Variants in ATRNL1 observed in about 807,000 individuals in gnomAD.
ATRNL1 encodes the protein attractin like 1.
Under a neutral mutation model 182.7 loss-of-function variants are expected in ATRNL1, and 95 were observed. That is an observed-to-expected ratio of 0.52 (90% CI 0.44 to 0.62). The LOEUF (loss-of-function observed/expected upper bound fraction) is 0.62, where lower values mean the gene tolerates loss of function less well. Among genes scored for constraint, ATRNL1 ranks in the 20% least tolerant of loss-of-function variants. ATRNL1 has a pLI of 0.00. For missense variants in ATRNL1, 1,471 were observed against 1,679.5 expected, an observed-to-expected ratio of 0.88 and a Z score of 2.17; for synonymous variants, 576 against 568.3, an observed-to-expected ratio of 1.01 and a Z score of -0.19.
At chr10:115,518,243 G>A (rs1285002738) in intron 24 of ATRNL1, among the ~76,000 whole-genome samples, 2 of 151,808 alleles carry the variant, frequency 1.3e-5, no homozygotes, top group Admixed American at 1.3e-4. Flanking sequence ...GCCTGAAATT[G>A]GTTGTTTCAG....
rs563426447 is a variant in ATRNL1 at position 115,114,778 on chromosome 10, A to G, written c.294-5407A>G. 6.0e-4 allele frequency among the ~76,000 whole-genome samples: 91 copies of G among 152,262 alleles called. 1 individual carries two copies. The highest frequency in any genetic ancestry group is 2.0e-3 in the African/African-American group (82 of 41,564). On this transcript the variant is annotated intron_variant, in intron 1 of 28. Coordinates refer to ENST00000355044, the MANE Select transcript of ATRNL1 (RefSeq NM_207303.4). The stretch of plus-strand genomic sequence containing the variant: ...TATATGGCAAAAAGGGAAGTTTTGT[A>G]CACTATTGGGGGAAAGTAAATTAGT...
intron 27 of ATRNL1, among the ~76,000 whole-genome samples, chr10:115,749,847 A>G (rs1593166020): frequency 6.6e-6 from 1 of 152,050 alleles, no homozygotes; most frequent in East Asian, 1.9e-4. Context: ...AGCTTGTGTG[A>G]CCTTGAGAAA....
intron 26 of ATRNL1, among the ~76,000 whole-genome samples, chr10:115,561,704 G>GGTGTGTGTGTGTGTGTGTGTGTGT (rs71010029): frequency 1.4e-5 from 2 of 144,936 alleles, no homozygotes; most frequent in African/African-American, 5.2e-5. Context: ...TGTGTGTGTG[G>GGTGTGTGTGTGTGTGTGTGTGTGT]GTGTGTGTGT....
At chr10:115,800,220 CA>C (rs879958061) in intron 27 of ATRNL1, among the ~76,000 whole-genome samples, 3,011 of 101,060 alleles carry the variant, frequency 0.03, 78 homozygotes, top group African/African-American at 0.083. Context: ...AACTCCATCT[CA>C]AAAAAAAAAA....
intron 24 of ATRNL1, among the ~76,000 whole-genome samples, chr10:115,513,510 C>T (rs1460168912): frequency 1.3e-5 from 2 of 151,818 alleles, no homozygotes; most frequent in Admixed American, 6.6e-5. Flanking sequence ...CTGATACATC[C>T]AAGTACCTGG....
At chr10:115,816,020 A>T (rs938110621) in intron 27 of ATRNL1, among the ~76,000 whole-genome samples, 1 of 152,172 alleles carries the variant, frequency 6.6e-6, no homozygotes, top group Non-Finnish European at 1.5e-5. Context: ...AAACAGATTC[A>T]GTGAATTACA....
chr10:115,297,685 T>A (rs1853272206), intron 15 of ATRNL1, among the ~76,000 whole-genome samples: 1 of 149,794 alleles, frequency 6.7e-6, no homozygotes, highest in African/African-American at 2.5e-5. Flanking sequence ...CAATTACCAA[T>A]GAACATGTGA....
chr10:115,779,688 C>A (rs1179281089), intron 27 of ATRNL1, among the ~76,000 whole-genome samples: 2 of 152,132 alleles, frequency 1.3e-5, no homozygotes, highest in South Asian at 4.1e-4. Flanking sequence ...GCCTAAATAA[C>A]TATAAATATC....
chr10:115,163,416 T>C (rs548821807), intron 6 of ATRNL1, among the ~76,000 whole-genome samples: 16 of 152,056 alleles, frequency 1.1e-4, no homozygotes, highest in African/African-American at 3.6e-4. Flanking sequence ...CAGGCTGGAG[T>C]GCAGTGGCGT....
rs542116961 is a variant in ATRNL1, at chr10:115,630,896, A to T, written c.3795+81360A>T. The stretch of plus-strand genomic sequence containing the variant: ...CACATTGGAATTTTTTCAGCCTTAA[A>T]AAAGGAGATCCTGTCTTTTGCAACA... On this transcript the variant is annotated intron_variant, in intron 26 of 28. Coordinates refer to ENST00000355044, the MANE Select transcript of ATRNL1 (RefSeq NM_207303.4). Among the ~76,000 whole-genome samples the T allele has an allele frequency of 1.3e-4, 20 of 150,376 alleles. No individual in the cohort carries two copies. The South Asian group carries it at 4.2e-3, about 32-fold the overall frequency.
intron 26 of ATRNL1, among the ~76,000 whole-genome samples, chr10:115,726,279 T>C (rs893749940): frequency 2.6e-5 from 4 of 152,324 alleles, no homozygotes; most frequent in Non-Finnish European, 5.9e-5. Context: ...TTTAAAAATA[T>C]CTGTGAATAA....
intron 28 of ATRNL1, among the ~76,000 whole-genome samples, chr10:115,874,424 T>C (rs1002055703): frequency 2.0e-5 from 3 of 152,226 alleles, no homozygotes; most frequent in Non-Finnish European, 4.4e-5. Flanking sequence ...TGAGAATTTA[T>C]AAAATATTGT....
chr10:115,781,766 A>C (rs1266336912), intron 27 of ATRNL1, among the ~76,000 whole-genome samples: 3 of 152,188 alleles, frequency 2.0e-5, no homozygotes, highest in African/African-American at 7.2e-5. Flanking sequence ...TTCCCTTCAT[A>C]AAAATTCACA....
At chr10:115,841,796 A>G (rs568057102) in intron 27 of ATRNL1, among the ~76,000 whole-genome samples, 44 of 152,096 alleles carry the variant, frequency 2.9e-4, no homozygotes, top group Admixed American at 5.2e-4. Context: ...AAGCCTAAAC[A>G]ATGGAATCGG....
At chr10:115,392,894 ACTT>A (rs781797313) in intron 19 of ATRNL1, among the ~76,000 whole-genome samples, 2 of 152,052 alleles carry the variant, frequency 1.3e-5, no homozygotes, top group Non-Finnish European at 2.9e-5. Flanking sequence ...CTTTTTCTTG[ACTT>A]CAGTGTTAGT....
intron 26 of ATRNL1, among the ~76,000 whole-genome samples, chr10:115,656,175 T>TA (rs1314761362): frequency 7.2e-5 from 11 of 152,298 alleles, no homozygotes; most frequent in African/African-American, 2.6e-4. Context: ...TACATGTCAT[T>TA]AAAACAAATA....
chr10:115,384,981 G>A (rs1448516165), intron 19 of ATRNL1, among the ~76,000 whole-genome samples: 2 of 151,588 alleles, frequency 1.3e-5, no homozygotes, highest in East Asian at 1.9e-4. Flanking sequence ...TACAATATTA[G>A]TGTTAATATT....
chr10:115,101,117 C>T (rs916686713), intron 1 of ATRNL1, among the ~76,000 whole-genome samples: 2 of 152,028 alleles, frequency 1.3e-5, no homozygotes, highest in African/African-American at 4.8e-5. Context: ...TAGATTTTTG[C>T]AGATTCCTTA....
chr10:115,347,391 CTAA>C (rs1443666353), intron 19 of ATRNL1, among the ~76,000 whole-genome samples: 1 of 151,902 alleles, frequency 6.6e-6, no homozygotes, highest in African/African-American at 2.4e-5. Flanking sequence ...CATTAGCTAC[CTAA>C]TAATAAACAA....
Sources: gnomAD v4.1 joint callset for allele counts (sites outside exome capture counted in the v4.1 genomes callset) on GRCh38, gnomAD v4.1.1 for gene constraint, MANE v1.5 for transcripts, NCBI Gene and HGNC (gene_info 2026-07-23, HGNC 2026-07-21) for gene names.